ABCA4: variants seen among roughly 807,000 people sequenced by gnomAD.
The protein encoded by ABCA4 is retinal-specific phospholipid-transporting ATPase ABCA4.
Under a neutral mutation model 263.7 loss-of-function variants are expected in ABCA4, and 196 were observed. The observed-to-expected ratio is 0.74, with a 90% CI of 0.66 to 0.84. ABCA4 has a LOEUF of 0.84. Among genes scored for constraint, ABCA4 ranks in the 40% least tolerant of loss-of-function variants. The pLI, the probability that ABCA4 is intolerant of heterozygous loss-of-function variation, is 0.00. For missense variants in ABCA4, 2,792 were observed against 2,855.1 expected (o/e 0.98, Z 0.50); for synonymous variants, 1,133 against 1,094.2 (o/e 1.04, Z -0.70).
chr1:94,103,295 T>C (rs1388475084), intron 4 of ABCA4, among the ~76,000 whole-genome samples, 153 bp from the exon 5 acceptor site: 2 of 152,180 alleles, frequency 1.3e-5, no homozygotes, highest in African/African-American at 4.8e-5. Context: ...GTGAGGCTCT[T>C]GCCAGTGGGC....
chr1:94,026,741 C>T (rs1660049134), intron 30 of ABCA4, among the ~76,000 whole-genome samples: 1 of 152,268 alleles, frequency 6.6e-6, no homozygotes, highest in Non-Finnish European at 1.5e-5. Context: ...GGACCCACCA[C>T]ATTCAAAGAA....
In ABCA4 at chr1:94,058,510, T is replaced by C. The variant is rs2101072289; in HGVS notation, c.2161-1688A>G. Among the ~76,000 whole-genome samples, 2 of 152,300 alleles carry C rather than the reference T, an allele frequency of 1.3e-5. 1 individual carries two copies. Among genetic ancestry groups the C allele is most frequent in the Middle Eastern group, 6.8e-3 (2 of 294 alleles). On this transcript the variant is annotated intron_variant, in intron 14 of 49. Transcript: ENST00000370225. ...CTGAGTAGCCGGGACTACAGGCATGTGCCACCGCACCTGGCTAATTTTTGT... is the reference window on the plus strand; with the variant it reads ...CTGAGTAGCCGGGACTACAGGCATGCGCCACCGCACCTGGCTAATTTTTGT...
rs148234178 is a variant in ABCA4 at position 94,077,725 on chromosome 1, C to A, written c.1519G>T (p.Asp507Tyr). Residue 507 changes from aspartate (D) to tyrosine (Y), a missense_variant, in exon 11 of 50, where the codon GAT becomes TAT. Asp to Tyr is a radical substitution (Grantham distance 160). Transcript: ENST00000370225. ...FDWRDIFNIT[D>Y]RTLRLVNQYL... ...TGATTGACCAGGCGGAGGGTGCGAT[C>A]AGTGATGTTAAATATGTCCCTCCAG... 12 of 1,613,864 alleles carry A rather than the reference C, an allele frequency of 7.4e-6. No homozygotes were observed. Among genetic ancestry groups the A allele is most frequent in the Non-Finnish European group, 9.3e-6 (11 of 1,179,920 alleles).
intron 6 of ABCA4, among the ~76,000 whole-genome samples, chr1:94,098,052 C>T (rs937257179): frequency 6.6e-5 from 10 of 152,174 alleles, no homozygotes; most frequent in East Asian, 3.9e-4. Flanking sequence ...CCACTGCGCC[C>T]GGCCCTCTGA....
rs61752422 is a variant in ABCA4 at position 94,037,255 on chromosome 1, T to C, written c.3703A>G (p.Asn1235Asp). The C allele has an allele frequency of 6.2e-7, 1 of 1,614,202 alleles. No homozygotes were observed. The highest frequency in any genetic ancestry group is 8.5e-7 in the Non-Finnish European group (1 of 1,180,030). ...TATGCTCTGTGCTTGAAGTTCTTAT[T>C]TGGAAGAAGGAAGATAAGTTCTTGA... ...IGQELIFLLP[N>D]KNFKHRAYAS... is the part of the protein sequence containing the mutation. The change falls in exon 25 of 50, where the codon AAT (asparagine) becomes GAT (aspartate). Residue 1235 changes from asparagine (N) to aspartate (D), a missense_variant. By Grantham distance (23) the Asn-to-Asp change is conservative. Coordinates refer to ENST00000370225, the MANE Select transcript of ABCA4 (RefSeq NM_000350.3).
At chr1:93,998,627 C>A (rs1659079022) in intron 47 of ABCA4, among the ~76,000 whole-genome samples, 1 of 152,048 alleles carries the variant, frequency 6.6e-6, no homozygotes, top group Admixed American at 6.5e-5. Context: ...TCATTTGATA[C>A]CAGTTTTTAG....
intron 3 of ABCA4, among the ~76,000 whole-genome samples, chr1:94,110,948 T>G (rs1356932800): frequency 6.6e-6 from 1 of 152,228 alleles, no homozygotes; most frequent in East Asian, 1.9e-4. Flanking sequence ...AATTGTATTT[T>G]TCTCCCAAGA....
At chr1:94,040,607 A>C (rs1660460330) in intron 23 of ABCA4, among the ~76,000 whole-genome samples, 1 of 152,244 alleles carries the variant, frequency 6.6e-6, no homozygotes, top group African/African-American at 2.4e-5. Flanking sequence ...CATCCCTAAG[A>C]AATAGAAGCA....
At chr1:94,053,664 C>G (rs1660898532) in intron 16 of ABCA4, among the ~76,000 whole-genome samples, 1 of 152,204 alleles carries the variant, frequency 6.6e-6, no homozygotes, top group Non-Finnish European at 1.5e-5. Flanking sequence ...CAAGGAGTGC[C>G]CAAGCACCTA....
chr1:94,035,202 G>A lies in ABCA4; in HGVS notation c.3862+1538C>T, dbSNP rs115091142. On this transcript the variant is annotated intron_variant, in intron 26 of 49. Coordinates refer to ENST00000370225, the MANE Select transcript of ABCA4 (RefSeq NM_000350.3). ...TTATCAAGAAGGAATATTCTGCACAGGTAAAAGGCCCTAACTCTTGAATCC... is the reference window on the plus strand; with the variant it reads ...TTATCAAGAAGGAATATTCTGCACAAGTAAAAGGCCCTAACTCTTGAATCC... Among the ~76,000 whole-genome samples the A allele has an allele frequency of 2.7e-3, 411 of 152,316 alleles. 4 individuals are homozygous for A. Among genetic ancestry groups the A allele is most frequent in the African/African-American group, 9.6e-3 (400 of 41,564 alleles).
At chr1:94,048,338 C>T (rs1167240387) in intron 18 of ABCA4, among the ~76,000 whole-genome samples, 1 of 152,230 alleles carries the variant, frequency 6.6e-6, no homozygotes, top group South Asian at 2.1e-4. Context: ...GAAAACAAAA[C>T]TTGTAAATCT....
chr1:93,998,200 T>G, intron 47 of ABCA4, 90 bp from the exon 48 acceptor site: 1 of 1,592,428 alleles, frequency 6.3e-7, no homozygotes, highest in Non-Finnish European at 8.6e-7. Context: ...TCAGAAATTT[T>G]GGGGATTAAG....
intron 14 of ABCA4, 59 bp from the exon 15 acceptor site, chr1:94,056,881 C>G (rs1376220059): frequency 2.1e-6 from 3 of 1,416,976 alleles, no homozygotes; most frequent in African/African-American, 2.9e-5. Flanking sequence ...CCTTCTCATT[C>G]TGCCCTAAAG....
chr1:94,100,142 C>T (rs1182458839), intron 5 of ABCA4, among the ~76,000 whole-genome samples: 1 of 152,184 alleles, frequency 6.6e-6, no homozygotes, highest in African/African-American at 2.4e-5. Context: ...GTCCAGACTA[C>T]ACATGGCAGC....
At chr1:94,086,975 G>T (rs191634295) in intron 6 of ABCA4, among the ~76,000 whole-genome samples, 10 of 152,266 alleles carry the variant, frequency 6.6e-5, no homozygotes, top group Non-Finnish European at 1.3e-4. Flanking sequence ...TAAGATCAAG[G>T]CTCCAGCAGG....
intron 6 of ABCA4, among the ~76,000 whole-genome samples, chr1:94,091,961 G>A (rs563678948): frequency 6.6e-6 from 1 of 152,308 alleles, no homozygotes; most frequent in Admixed American, 6.5e-5. Flanking sequence ...GAACAGACAT[G>A]TTTATCACCT....
At chr1:94,092,046 C>T (rs138130815) in intron 6 of ABCA4, among the ~76,000 whole-genome samples, 33 of 152,332 alleles carry the variant, frequency 2.2e-4, no homozygotes, top group African/African-American at 7.2e-4. Context: ...GTCACCCAAC[C>T]GCACATGAAA....
intron 32 of ABCA4, among the ~76,000 whole-genome samples, chr1:94,022,832 C>T (rs1210280198): frequency 1.3e-5 from 2 of 152,264 alleles, no homozygotes; most frequent in East Asian, 1.9e-4. Flanking sequence ...TTCATGTGTA[C>T]GGTCTAGAAT....
intron 30 of ABCA4, among the ~76,000 whole-genome samples, chr1:94,028,474 A>G (rs1436554025): frequency 1.3e-5 from 2 of 152,274 alleles, no homozygotes; most frequent in Non-Finnish European, 2.9e-5. Flanking sequence ...TGTTAGAGAC[A>G]CAGCACATGG....
Sources: allele counts gnomAD v4.1 joint callset (sites outside exome capture counted in the v4.1 genomes callset), GRCh38; gene constraint gnomAD v4.1.1; transcripts MANE v1.5; gene names NCBI Gene and HGNC (gene_info 2026-07-23, HGNC 2026-07-21).